PHF14: variants seen among roughly 807,000 people sequenced by gnomAD.
The protein encoded by PHF14 is PHD finger protein 14.
Under a neutral mutation model 117.9 loss-of-function variants are expected in PHF14, and 55 were observed. The ratio of observed to expected loss-of-function variants is 0.47; its 90% CI spans 0.38 to 0.58. PHF14 has a LOEUF of 0.58. Ranked by LOEUF, PHF14 falls within the 20% of genes least tolerant of loss-of-function variation. The probability of loss-of-function intolerance (pLI) is 0.00; values close to 1 mark genes in which losing one functional copy is unlikely to be tolerated. For missense variants in PHF14, 978 were observed against 1,122.2 expected (o/e 0.87, Z 1.84); for synonymous variants, 409 against 368.6 (o/e 1.11, Z -1.26).
intron 13 of PHF14, among the ~76,000 whole-genome samples, chr7:11,047,623 C>T (rs1250892452): frequency 6.7e-6 from 1 of 150,244 alleles, no homozygotes; most frequent in Non-Finnish European, 1.5e-5. Flanking sequence ...CCTGTCTCTA[C>T]TAAAAATACA....
intron 5 of PHF14, among the ~76,000 whole-genome samples, chr7:11,016,780 A>G (rs1437807871): frequency 1.3e-5 from 2 of 152,092 alleles, no homozygotes; most frequent in African/African-American, 4.8e-5. Context: ...TAAGTGTACA[A>G]TTTAGTTTTT....
chr7:11,063,588 C>G, intron 16 of PHF14: 2 of 960,050 alleles, frequency 2.1e-6, no homozygotes, highest in Non-Finnish European at 2.5e-6. Flanking sequence ...TCTACTGTGT[C>G]TTACTAATTT....
At chr7:11,041,270 T>G (rs1784497616) in intron 12 of PHF14, among the ~76,000 whole-genome samples, 1 of 151,986 alleles carries the variant, frequency 6.6e-6, no homozygotes, top group Non-Finnish European at 1.5e-5. Context: ...TAAGTATTTT[T>G]GTTTTTTACT....
At chr7:11,056,865 A>T (rs1229156180) in intron 14 of PHF14, among the ~76,000 whole-genome samples, 1 of 150,578 alleles carries the variant, frequency 6.6e-6, no homozygotes, top group East Asian at 1.9e-4. Context: ...AGCATTTTTG[A>T]ATAGCTGCCA....
chr7:11,010,162 C>A (rs1332236629), intron 4 of PHF14, among the ~76,000 whole-genome samples: 1 of 151,756 alleles, frequency 6.6e-6, no homozygotes. Context: ...TATATTTTTT[C>A]CCATGTGGTA....
intron 17 of PHF14, among the ~76,000 whole-genome samples, chr7:11,162,828 G>A (rs760114524): frequency 1.3e-5 from 2 of 151,734 alleles, no homozygotes; most frequent in Non-Finnish European, 2.9e-5. Flanking sequence ...CGGGATTACA[G>A]GCACACACCA....
chr7:11,071,671 T>C (rs967933419), intron 16 of PHF14, among the ~76,000 whole-genome samples: 1 of 152,212 alleles, frequency 6.6e-6, no homozygotes, highest in African/African-American at 2.4e-5. Flanking sequence ...TTTATAGTCA[T>C]TCATAGCCCC....
intron 13 of PHF14, among the ~76,000 whole-genome samples, chr7:11,043,436 T>C (rs1784563680): frequency 6.6e-6 from 1 of 152,110 alleles, no homozygotes; most frequent in Non-Finnish European, 1.5e-5. Context: ...GGAAGGAGAA[T>C]ATAGGAAAAG....
intron 4 of PHF14, among the ~76,000 whole-genome samples, chr7:10,995,043 C>G (rs1782586665): frequency 6.6e-6 from 1 of 152,126 alleles, no homozygotes; most frequent in Middle Eastern, 3.2e-3. Context: ...GGTGTGTTTA[C>G]AATCCCTGAG....
chr7:11,010,314 C>T (rs768106549), intron 4 of PHF14, among the ~76,000 whole-genome samples: 14 of 151,918 alleles, frequency 9.2e-5, no homozygotes, highest in Non-Finnish European at 1.9e-4. Flanking sequence ...TATGATAGTG[C>T]ATTTAAAGTA....
intron 6 of PHF14, 128 bp downstream of exon 6, chr7:11,023,107 C>A (rs537349630): frequency 5.8e-6 from 3 of 515,144 alleles, no homozygotes; most frequent in African/African-American, 1.9e-5. Context: ...AGCACTAAAT[C>A]ATTTATTATT....
At chr7:11,044,007 A>C (rs540445287) in intron 13 of PHF14, among the ~76,000 whole-genome samples, 7 of 152,158 alleles carry the variant, frequency 4.6e-5, no homozygotes, top group East Asian at 1.9e-4. Flanking sequence ...AACACACACA[A>C]AAAAAGGGAA....
chr7:10,986,278 A>G (rs930975775), intron 3 of PHF14, among the ~76,000 whole-genome samples: 6 of 151,910 alleles, frequency 3.9e-5, no homozygotes, highest in African/African-American at 1.5e-4. Flanking sequence ...GCCACCACAC[A>G]TAGCCCCTTT....
intron 6 of PHF14, among the ~76,000 whole-genome samples, chr7:11,025,812 AAAAG>A (rs929019540): frequency 8.0e-5 from 12 of 149,910 alleles, no homozygotes; most frequent in Admixed American, 1.3e-4. Flanking sequence ...AAGAAAAAGA[AAAAG>A]AAAGAAATTG....
intron 17 of PHF14, among the ~76,000 whole-genome samples, chr7:11,149,310 C>T (rs987077697): frequency 7.9e-5 from 12 of 152,106 alleles, no homozygotes; most frequent in Non-Finnish European, 1.6e-4. Flanking sequence ...AGTACTGACT[C>T]GTCATGGCAA....
intron 4 of PHF14, among the ~76,000 whole-genome samples, chr7:10,999,351 G>C (rs921206374): frequency 6.6e-6 from 1 of 152,132 alleles, no homozygotes; most frequent in African/African-American, 2.4e-5. Context: ...TATCTGCTTT[G>C]AGGGTACTGT....
intron 16 of PHF14, among the ~76,000 whole-genome samples, chr7:11,088,829 A>G (rs1335553613): frequency 6.6e-6 from 1 of 152,152 alleles, no homozygotes. Context: ...AAAATTATGT[A>G]TCTCCTATAG....
intron 4 of PHF14, among the ~76,000 whole-genome samples, chr7:11,003,541 A>G (rs1782957744): frequency 1.3e-5 from 2 of 152,232 alleles, no homozygotes; most frequent in Non-Finnish European, 2.9e-5. Context: ...ACATATAGAT[A>G]GTAAAAAGGT....
intron 16 of PHF14, among the ~76,000 whole-genome samples, chr7:11,095,576 G>C (rs1786816859): frequency 6.6e-6 from 1 of 152,072 alleles, no homozygotes; most frequent in African/African-American, 2.4e-5. Flanking sequence ...CTCAACCTGG[G>C]TTTCCTGGGA....
Sources: gnomAD v4.1 joint callset for allele counts (sites outside exome capture counted in the v4.1 genomes callset) on GRCh38, gnomAD v4.1.1 for gene constraint, MANE v1.5 for transcripts, NCBI Gene and HGNC (gene_info 2026-07-23, HGNC 2026-07-21) for gene names.